SCART1: variants seen among roughly 807,000 people sequenced by gnomAD.
SCART1 encodes scavenger receptor cysteine-rich domain-containing protein SCART1.
SCART1 carries 62 observed loss-of-function variants against 36.2 expected under a neutral mutation model. The ratio of observed to expected loss-of-function variants is 1.71; its 90% confidence interval spans 1.40 to 2.12. The LOEUF (loss-of-function observed/expected upper bound fraction) is 2.12. SCART1 is among the 30% of genes most tolerant of loss of function. The pLI is 0.00. For missense variants in SCART1, 1,041 were observed against 540.5 expected (o/e 1.93, Z -9.18); for synonymous variants, 487 against 238.7 (o/e 2.04, Z -9.59).
At chr10:133,459,636 G>C in exon 6 of SCART1, 1 of 683,070 alleles carries the variant, frequency 1.5e-6, no homozygotes. Flanking sequence ...CGGGTGCAGA[G>C]GGGCCCAGCA....
intron 7 of SCART1, 74 bp from the exon 8 acceptor site, chr10:133,465,032 C>T (rs1269373204): frequency 4.3e-6 from 3 of 700,840 alleles, no homozygotes; most frequent in East Asian, 2.7e-5. Context: ...GCCTGGGGGT[C>T]ACTAGGATCC....
chr10:133,454,737 C>G (rs1030890877), intron 1 of SCART1, among the ~76,000 whole-genome samples: 2 of 152,036 alleles, frequency 1.3e-5, no homozygotes, highest in Non-Finnish European at 2.9e-5. Flanking sequence ...GGTCCAGGTG[C>G]CCAGCAGGGC....
intron 10 of SCART1, 101 bp from the exon 11 acceptor site, chr10:133,467,097 T>A (rs555859034): frequency 7.6e-5 from 43 of 568,156 alleles, no homozygotes; most frequent in Non-Finnish European, 1.3e-4. Context: ...CCTGCCTCTT[T>A]GCTGCCTGGC....
intron 9 of SCART1, 120 bp from the exon 10 acceptor site, chr10:133,466,115 C>T (rs968928144): frequency 1.6e-5 from 10 of 630,342 alleles, no homozygotes; most frequent in African/African-American, 1.1e-4. Flanking sequence ...CCAGCACTTC[C>T]GACTCGCAGG....
chr10:133,467,803 C>T (rs1269987286), intron 11 of SCART1, 44 bp from the exon 12 acceptor site: 2 of 625,088 alleles, frequency 3.2e-6, no homozygotes, highest in Non-Finnish European at 5.9e-6. Context: ...CTGGGGACAA[C>T]TTGCACGTGT....
rs1224438853 is a variant in SCART1 at position 133,459,014 on chromosome 10, C to T, written c.980-7C>T. 3 of 672,802 alleles carry T rather than the reference C, an allele frequency of 4.5e-6. No homozygotes were observed. The highest frequency in any genetic ancestry group is 5.4e-5 in the East Asian group (2 of 36,864). 41.7% of individuals were successfully genotyped at this position (672,802 alleles called of 1,614,324 possible). ...TGCAAGCCAGGCTGACTCCTCCTCTCCCCCAGAGTTCAGGATGGTCAACGG... is the reference window on the plus strand; with the variant it reads ...TGCAAGCCAGGCTGACTCCTCCTCTTCCCCAGAGTTCAGGATGGTCAACGG... On this transcript the variant is annotated splice_region_variant and splice_polypyrimidine_tract_variant and intron_variant, in intron 4 of 11. Coordinates refer to ENST00000640237, the Ensembl canonical transcript of SCART1.
chr10:133,458,441 C>A (rs1413081152), exon 4 of SCART1: 2 of 699,130 alleles, frequency 2.9e-6, no homozygotes, highest in African/African-American at 3.5e-5. Context: ...GTCTGTGATG[C>A]GGCCCTGGAC....
intron 2 of SCART1, 59 bp from the exon 3 acceptor site, chr10:133,457,220 G>A (rs952064449): frequency 3.1e-5 from 21 of 682,626 alleles, no homozygotes; most frequent in South Asian, 4.7e-5. Context: ...AGGAGCTGCC[G>A]AGTGACCATG....
At position 133,462,448 on chromosome 10, in the gene SCART1, C is replaced by T. The variant is rs370028895; in HGVS notation, c.1970-2158C>T. Reference sequence around the variant, plus strand: ...AGAGAATGAGATATAAAGTATGTTACATGTTATTAAAATTTGAGTCCAAAA... The same window carrying T: ...AGAGAATGAGATATAAAGTATGTTATATGTTATTAAAATTTGAGTCCAAAA... On this transcript the variant is annotated intron_variant, in intron 6 of 11. Transcript: ENST00000640237. Among the ~76,000 whole-genome samples the T allele has an allele frequency of 2.6e-5, 4 of 152,266 alleles. No individual in the cohort carries two copies. In the East Asian group the frequency reaches 5.8e-4, roughly 22 times the overall value.
rs780895942 is a variant in SCART1 at position 133,457,488 on chromosome 10, A to G, written c.595A>G (p.Thr199Ala). The G allele has an allele frequency of 4.3e-6, 3 of 702,710 alleles. No individual in the cohort carries two copies. In the Admixed American group the frequency reaches 6.0e-5, roughly 14 times the overall value. The allele number at this position is 702,710 out of a possible 1,614,324, so 43.5% of individuals were successfully genotyped here. ...CAGGAAGTACCTGGCCTGCAGGGGT[A>G]CCGAGCCCACCATCCGCAGCTGCAG... The change falls in exon 3 of 12, where the codon ACC (threonine) becomes GCC (alanine). Residue 199 changes from threonine (T) to alanine (A), a missense_variant. Transcript: ENST00000640237.
At position 133,459,665 on chromosome 10, in the gene SCART1, C is replaced by T. The variant is rs963361511; in HGVS notation, c.1464C>T (p.Ala488=). ...CCCAGCAAGCCTATGACGCACCTGCCCCCAGCCGCGGATCCGTCCAGGTGG... is the reference window on the plus strand; with the variant it reads ...CCCAGCAAGCCTATGACGCACCTGCTCCCAGCCGCGGATCCGTCCAGGTGG... Residue 488 remains alanine, a synonymous_variant, in exon 6 of 12, where the codon GCC becomes GCT. Transcript: ENST00000640237. 4 of 696,224 alleles carry T rather than the reference C, an allele frequency of 5.7e-6. No individual in the cohort carries two copies. In the Admixed American group the frequency reaches 8.1e-5, roughly 14 times the overall value. 43.1% of individuals were successfully genotyped at this position (696,224 alleles called of 1,614,324 possible).
At position 133,457,593 on chromosome 10, in the gene SCART1, T is replaced by C. The variant is rs1202817469; in HGVS notation, c.682+18T>C. 1.5e-6 allele frequency: 1 copy of C among 673,194 alleles called. No individual in the cohort carries two copies. Among genetic ancestry groups the C allele is most frequent in the Non-Finnish European group, 2.7e-6 (1 of 371,128 alleles). 41.7% of individuals were successfully genotyped at this position (673,194 alleles called of 1,614,324 possible). ...CTGCTCAGGTGAGGCTGCCACCTGA[T>C]GTTCCCAGTGACCCTTGGGATGATG... On this transcript the variant is annotated intron_variant, in intron 3 of 11. Transcript: ENST00000640237.
At chr10:133,465,609 G>A in intron 9 of SCART1, 44 bp downstream of exon 9, 1 of 578,158 alleles carries the variant, frequency 1.7e-6, no homozygotes, top group Non-Finnish European at 3.0e-6. Flanking sequence ...GCCGGCAGAG[G>A]GCGCTGGGAT....
exon 2 of SCART1, chr10:133,456,519 G>A (rs1015469590): frequency 1.5e-6 from 1 of 685,138 alleles, no homozygotes; most frequent in African/African-American, 1.8e-5. Flanking sequence ...CAGAGCCCGT[G>A]CCCCCACGCA....
chr10:133,460,666 G>A (rs186064735), intron 6 of SCART1, among the ~76,000 whole-genome samples: 1 of 151,780 alleles, frequency 6.6e-6, no homozygotes, highest in East Asian at 1.9e-4. Context: ...CTCCCAAGCT[G>A]CTGGGACTAC....
At chr10:133,464,117 C>T (rs1326476470) in intron 6 of SCART1, 1 of 155,748 alleles carries the variant, frequency 6.4e-6, no homozygotes, top group African/African-American at 2.4e-5. Flanking sequence ...CCTCCAGTTC[C>T]ATCCGTATTG....
At position 133,462,967 on chromosome 10, in the gene SCART1, C is replaced by T. The variant is rs190457108; in HGVS notation, c.1970-1639C>T. Among the ~76,000 whole-genome samples, 15 of 152,274 alleles carry T rather than the reference C, an allele frequency of 9.9e-5. No homozygotes were observed. The East Asian group carries it at 2.9e-3, about 29-fold the overall frequency. ...ATTTCTTTCCAGTATTCTTTCTAAG[C>T]TTATTTTAATTAGATATGATCCTAT... On this transcript the variant is annotated intron_variant, in intron 6 of 11. Coordinates refer to ENST00000640237, the Ensembl canonical transcript of SCART1.
At chr10:133,457,495 C>T (rs768820145) in exon 3 of SCART1, 1 of 702,698 alleles carries the variant, frequency 1.4e-6, no homozygotes, top group South Asian at 1.5e-5. Context: ...GGTACCGAGC[C>T]CACCATCCGC....
chr10:133,459,374 G>C (rs987839779), intron 5 of SCART1, 48 bp downstream of exon 5: 2 of 620,266 alleles, frequency 3.2e-6, no homozygotes, highest in African/African-American at 3.7e-5. Flanking sequence ...GAGAGGCATG[G>C]ACAGAGGAGT....
Sources: allele counts gnomAD v4.1 joint callset (sites outside exome capture counted in the v4.1 genomes callset), GRCh38; gene constraint gnomAD v4.1.1; transcripts MANE v1.5; gene names NCBI Gene and HGNC (gene_info 2026-07-23, HGNC 2026-07-21).